HTR4: variants seen among roughly 807,000 people sequenced by gnomAD.
HTR4 encodes 5-hydroxytryptamine receptor 4.
Under a neutral mutation model 36.8 loss-of-function variants are expected in HTR4, and 16 were observed. The ratio of observed to expected loss-of-function variants is 0.43; its 90% CI spans 0.29 to 0.66. The LOEUF is 0.66. Ranked by LOEUF, HTR4 falls within the 30% of genes least tolerant of loss-of-function variation. HTR4 has a pLI of 0.13. For synonymous variants in HTR4, 189 were observed against 185.1 expected (o/e 1.02, Z -0.17); for missense variants, 438 against 490.9 (o/e 0.89, Z 1.02).
intron 2 of HTR4, among the ~76,000 whole-genome samples, chr5:148,596,237 A>C (rs1340129769): frequency 2.0e-5 from 3 of 152,228 alleles, no homozygotes; most frequent in South Asian, 4.1e-4. Context: ...TCTTACTACT[A>C]GTCTCTGAAT....
chr5:148,553,777 G>A (rs973661984), intron 2 of HTR4, among the ~76,000 whole-genome samples: 15 of 152,174 alleles, frequency 9.9e-5, no homozygotes, highest in African/African-American at 1.9e-4. Context: ...CATTGCTGGC[G>A]GGAATGTAAA....
chr5:148,647,064 A>G (rs1001287757), intron 1 of HTR4, among the ~76,000 whole-genome samples: 9 of 152,196 alleles, frequency 5.9e-5, no homozygotes, highest in African/African-American at 2.2e-4. Flanking sequence ...TCTTGGCATC[A>G]TGTGACTTTG....
intron 6 of HTR4, among the ~76,000 whole-genome samples, chr5:148,491,372 C>A (rs1184234685): frequency 6.6e-6 from 1 of 151,756 alleles, no homozygotes; most frequent in Non-Finnish European, 1.5e-5. Context: ...TTAAAAGGAG[C>A]CAAATGGTGC....
At chr5:148,601,080 G>C (rs57409566) in intron 2 of HTR4, among the ~76,000 whole-genome samples, 399 of 143,984 alleles carry the variant, frequency 2.8e-3, no homozygotes, top group African/African-American at 9.9e-3. Flanking sequence ...TGGCCAAGAA[G>C]CATATGAAAA....
At chr5:148,490,634 G>T in intron 6 of HTR4, 2 of 1,174,826 alleles carry the variant, frequency 1.7e-6, no homozygotes, top group Non-Finnish European at 2.1e-6. Flanking sequence ...TGAACATTCA[G>T]TTCTTCCAGT....
intron 4 of HTR4, among the ~76,000 whole-genome samples, chr5:148,531,284 T>A (rs556576915): frequency 1.3e-5 from 2 of 152,122 alleles, no homozygotes; most frequent in African/African-American, 4.8e-5. Flanking sequence ...ACAGTTCCCA[T>A]GTGTTGTGGG....
chr5:148,548,452 G>T (rs1418683027), intron 4 of HTR4, among the ~76,000 whole-genome samples: 1 of 152,122 alleles, frequency 6.6e-6, no homozygotes, highest in East Asian at 1.9e-4. Flanking sequence ...CAAGTTATAG[G>T]TCTTACTAAT....
chr5:148,465,993 A>G, intron 5 of HTR4: 2 of 1,532,944 alleles, frequency 1.3e-6, no homozygotes, highest in Non-Finnish European at 8.8e-7. Context: ...AAGAAAAAAG[A>G]AAAAAAAAAC....
chr5:148,601,460 T>A (rs568716458), intron 2 of HTR4, among the ~76,000 whole-genome samples: 1 of 152,258 alleles, frequency 6.6e-6, no homozygotes, highest in East Asian at 1.9e-4. Flanking sequence ...AATGGATGGA[T>A]AAATAAAGAA....
At chr5:148,635,461 T>C (rs1211522698) in intron 2 of HTR4, among the ~76,000 whole-genome samples, 1 of 152,112 alleles carries the variant, frequency 6.6e-6, no homozygotes, top group Admixed American at 6.6e-5. Context: ...GGGCGTGATA[T>C]CATCTTGTAT....
At chr5:148,648,851 G>A (rs1244720803) in intron 1 of HTR4, among the ~76,000 whole-genome samples, 2 of 152,182 alleles carry the variant, frequency 1.3e-5, no homozygotes, top group Non-Finnish European at 2.9e-5. Context: ...AATGTGGAAA[G>A]GGTCATGGAC....
chr5:148,650,021 T>C (rs1753987394), intron 1 of HTR4, among the ~76,000 whole-genome samples: 1 of 126,608 alleles, frequency 7.9e-6, no homozygotes, highest in African/African-American at 2.9e-5. Context: ...GGACCAGCAA[T>C]TTGTGTTTTT....
chr5:148,568,792 T>C (rs937278381), intron 2 of HTR4, among the ~76,000 whole-genome samples: 1 of 152,154 alleles, frequency 6.6e-6, no homozygotes. Context: ...TTTTAACATA[T>C]CTATTCTAGG....
intron 4 of HTR4, among the ~76,000 whole-genome samples, chr5:148,535,176 A>G (rs1455112466): frequency 1.3e-5 from 2 of 152,210 alleles, no homozygotes; most frequent in African/African-American, 4.8e-5. Context: ...GCTTCAAATA[A>G]AGACTGTACA....
At chr5:148,562,157 A>G (rs772926491) in intron 2 of HTR4, among the ~76,000 whole-genome samples, 1 of 152,222 alleles carries the variant, frequency 6.6e-6, no homozygotes, top group Non-Finnish European at 1.5e-5. Context: ...ACACAGCCAC[A>G]CTCAATCATT....
At chr5:148,481,400 C>T, downstream of HTR4, 6 of 658,718 alleles carry the variant, frequency 9.1e-6, no homozygotes, top group Non-Finnish European at 1.6e-5. Context: ...GAATCCCAGT[C>T]TACACAAAGA....
At chr5:148,618,148 A>G (rs1401660222) in intron 2 of HTR4, among the ~76,000 whole-genome samples, 2 of 152,122 alleles carry the variant, frequency 1.3e-5, no homozygotes, top group African/African-American at 2.4e-5. Flanking sequence ...TTCTGAACCA[A>G]TCACTGTAGC....
intron 2 of HTR4, among the ~76,000 whole-genome samples, chr5:148,587,017 C>G (rs1375557402): frequency 6.6e-6 from 1 of 152,150 alleles, no homozygotes; most frequent in Non-Finnish European, 1.5e-5. Context: ...GTGGATGCCT[C>G]TAGGTGAGGC....
chr5:148,580,076 T>C (rs189324749), intron 2 of HTR4, among the ~76,000 whole-genome samples: 11 of 152,090 alleles, frequency 7.2e-5, no homozygotes, highest in Admixed American at 7.2e-4. Context: ...ACAGCTTACA[T>C]TTTTGCCACT....
Sources: gnomAD v4.1 joint callset for allele counts (sites outside exome capture counted in the v4.1 genomes callset) on GRCh38, gnomAD v4.1.1 for gene constraint, MANE v1.5 for transcripts, NCBI Gene and HGNC (gene_info 2026-07-23, HGNC 2026-07-21) for gene names.